The following CACNA1B variants were observed in gnomAD, a reference collection of about 807,000 sequenced individuals.
CACNA1B encodes the protein calcium voltage-gated channel subunit alpha1 B.
CACNA1B carries 70 observed loss-of-function variants against 247.2 expected under a neutral mutation model. The observed-to-expected ratio is 0.28, with a 90% CI of 0.23 to 0.35. CACNA1B has a LOEUF of 0.35. Ranked by LOEUF, CACNA1B falls within the 10% of genes least tolerant of loss-of-function variation. The pLI is 1.00. For synonymous variants in CACNA1B, 1,231 were observed against 1,294.4 expected (o/e 0.95, Z 1.05); for missense variants, 2,367 against 3,197.4 (o/e 0.74, Z 6.26).
At chr9:138,118,519 C>T in intron 43 of CACNA1B, 133 bp from the exon 44 acceptor site, 1 of 587,274 alleles carries the variant, frequency 1.7e-6, no homozygotes, top group Non-Finnish European at 3.1e-6. Flanking sequence ...GACGTGTGAA[C>T]AGCAGTGGGA....
rs200175422 is a variant in CACNA1B, at chr9:137,984,263, C to T, written c.1769+13C>T. The T allele has an allele frequency of 1.9e-4, 288 of 1,542,546 alleles. No individual in the cohort carries two copies. The highest frequency in any genetic ancestry group is 2.2e-4 in the Non-Finnish European group (255 of 1,135,144). On this transcript the variant is annotated intron_variant, in intron 13 of 46. Coordinates refer to ENST00000371372, the MANE Select transcript of CACNA1B (RefSeq NM_000718.4). ...TCAAAGTCACGAAGTACGTCCCCTGCGCTCCCAGGCGAGGGCAGGTGTAGG... is the reference window on the plus strand; with the variant it reads ...TCAAAGTCACGAAGTACGTCCCCTGTGCTCCCAGGCGAGGGCAGGTGTAGG...
chr9:137,974,380 C>G lies in CACNA1B; in HGVS notation c.1544-1527C>G, dbSNP rs767929346. On this transcript the variant is annotated intron_variant, in intron 11 of 46. Transcript: ENST00000371372. This position sits in a 1 kb window ranked among gnomAD's most constrained non-coding sequence, Gnocchi z 4.5. ...ATCATCCCATGCTTAGCTTGAGTGC[C>G]TGGTGATTTTCTGGCTGGTGTCAGA... Among the ~76,000 whole-genome samples the G allele has an allele frequency of 4.5e-4, 69 of 152,190 alleles. No homozygotes were observed. The highest frequency in any genetic ancestry group is 6.5e-4 in the Admixed American group (10 of 15,284).
At chr9:138,017,406 G>T (rs778743080) in intron 18 of CACNA1B, among the ~76,000 whole-genome samples, 2 of 152,226 alleles carry the variant, frequency 1.3e-5, no homozygotes, top group Non-Finnish European at 2.9e-5. Flanking sequence ...GACCCTCTGC[G>T]CTCAGCGCCT....
At chr9:138,016,747 C>T (rs10780198) in intron 18 of CACNA1B, among the ~76,000 whole-genome samples, 4 of 151,474 alleles carry the variant, frequency 2.6e-5, no homozygotes, top group African/African-American at 9.7e-5. Flanking sequence ...GCCGGGAGAC[C>T]GTGCAGTCAG....
chr9:138,107,313 C>T (rs1390509067), intron 39 of CACNA1B, among the ~76,000 whole-genome samples: 1 of 151,312 alleles, frequency 6.6e-6, no homozygotes, highest in African/African-American at 2.4e-5. Context: ...GTGGTGCAGT[C>T]ACGGCTCACT....
Position 138,058,085 on chromosome 9 carries a change from G to T in CACNA1B, c.4143G>T (p.Glu1381Asp), listed in dbSNP as rs1451405927. 7 of 1,613,998 alleles carry T rather than the reference G, an allele frequency of 4.3e-6. No individual in the cohort carries two copies. Among genetic ancestry groups the T allele is most frequent in the Middle Eastern group, 1.6e-4 (1 of 6,062 alleles). Residue 1381 changes from glutamate to aspartate, a missense_variant, in exon 28 of 47, where the codon GAG (glutamate) becomes GAT (aspartate). Physicochemically the swap from Glu to Asp is conservative, Grantham distance 45 (BLOSUM62 2). Transcript: ENST00000371372. The surrounding 1 kb of genome is among the most constrained non-coding windows in gnomAD (Gnocchi z 4.7). ...ACTCCGTGGATGCCACCTATGAGGA[G>T]CAGGGTCCAAGCCCTGGGTACCGCA... is the stretch of plus-strand genomic sequence containing the variant. ...LKHSVDATYEEQGPSPGYRME... is the reference protein window; with the variant it reads ...LKHSVDATYEDQGPSPGYRME...
intron 12 of CACNA1B, among the ~76,000 whole-genome samples, chr9:137,977,654 C>T (rs1793515956): frequency 6.6e-6 from 1 of 152,154 alleles, no homozygotes; most frequent in South Asian, 2.1e-4. Flanking sequence ...TCGGCACCTG[C>T]CCAGAGGCTG....
In CACNA1B at chr9:138,122,156, CT is replaced by C; in HGVS notation, c.*158del. ...CCTCCCCCTCCTCCCCTCTTTTACT[CT>C]AGACGACGAATAAAGCCCTGTTAGA... is the stretch of plus-strand genomic sequence containing the variant. On this transcript the variant is annotated 3_prime_UTR_variant, in exon 47 of 47. Transcript: ENST00000371372. The C allele has an allele frequency of 1.6e-6, 1 of 637,634 alleles. No individual in the cohort carries two copies. Among genetic ancestry groups the C allele is most frequent in the East Asian group, 2.7e-5 (1 of 36,492 alleles). 39.5% of individuals were successfully genotyped at this position (637,634 alleles called of 1,614,324 possible).
At chr9:137,970,915 G>C (rs938470564) in intron 10 of CACNA1B, among the ~76,000 whole-genome samples, 1 of 152,210 alleles carries the variant, frequency 6.6e-6, no homozygotes, top group Admixed American at 6.5e-5. Context: ...AAACTGCTTA[G>C]AAAACAGGCA....
At chr9:138,040,593 C>A in intron 20 of CACNA1B, 1 of 436,832 alleles carries the variant, frequency 2.3e-6, no homozygotes. Context: ...GAGAGCCAGC[C>A]CGAGTCTCAA....
At position 138,058,291 on chromosome 9, in the gene CACNA1B, G is replaced by T. The variant is rs200760662; in HGVS notation, c.4308+41G>T. On this transcript the variant is annotated intron_variant, in intron 28 of 46. Transcript: ENST00000371372. This position sits in a 1 kb window ranked among gnomAD's most constrained non-coding sequence, Gnocchi z 4.7. Reference sequence around the variant, plus strand: ...GTGGAGTCTTGCAGTGGACAGCGTGGGCAGCGCCATCAGGCTTCCCTCCTG... The same window carrying T: ...GTGGAGTCTTGCAGTGGACAGCGTGTGCAGCGCCATCAGGCTTCCCTCCTG... 8 of 1,506,914 alleles carry T rather than the reference G, an allele frequency of 5.3e-6. No homozygotes were observed. The highest frequency in any genetic ancestry group is 7.4e-6 in the Non-Finnish European group (8 of 1,085,236). The allele number at this position is 1,506,914 out of a possible 1,614,324, so 93.3% of individuals were successfully genotyped here.
At chr9:138,071,969 C>T (rs1347484349) in intron 32 of CACNA1B, among the ~76,000 whole-genome samples, 1 of 152,070 alleles carries the variant, frequency 6.6e-6, no homozygotes, top group East Asian at 1.9e-4. Flanking sequence ...CCCCTGCACC[C>T]ATGTTTCTAA....
At chr9:138,089,943 T>C (rs1960822814) in intron 36 of CACNA1B, among the ~76,000 whole-genome samples, 1 of 152,168 alleles carries the variant, frequency 6.6e-6, no homozygotes, top group East Asian at 1.9e-4. Context: ...TGAAAGATAC[T>C]GAAGAGGACA....
chr9:138,075,762 C>T lies in CACNA1B; in HGVS notation c.4858-57C>T, dbSNP rs560816912. 7.7e-6 allele frequency: 9 copies of T among 1,164,616 alleles called. No individual in the cohort carries two copies. The East Asian group carries it at 2.0e-4, about 26-fold the overall frequency. The allele number at this position is 1,164,616 out of a possible 1,614,324, so 72.1% of individuals were successfully genotyped here. A position where few individuals can be genotyped will look rare whatever the true frequency, so the allele number is the denominator to read the frequency against. ...GCACGCCCTCTCTGGCTCGGTCCAC[C>T]TGGCGCGGCTCCTGCAGACCCAGCA... On this transcript the variant is annotated intron_variant, in intron 34 of 46. Coordinates refer to ENST00000371372, the MANE Select transcript of CACNA1B (RefSeq NM_000718.4).
At chr9:138,013,281 C>T in intron 18 of CACNA1B, 46 bp downstream of exon 18, 2 of 1,436,058 alleles carry the variant, frequency 1.4e-6, no homozygotes, top group Non-Finnish European at 9.5e-7. Context: ...GGGGCTGCTG[C>T]AGGGTCCCAT....
At chr9:138,095,946 G>A (rs994300702) in intron 36 of CACNA1B, among the ~76,000 whole-genome samples, 2 of 151,478 alleles carry the variant, frequency 1.3e-5, no homozygotes, top group Non-Finnish European at 1.5e-5. Flanking sequence ...GGGGGTTGGG[G>A]GGGCGGGGAT....
At chr9:138,044,292 G>A (rs1022858304) in intron 21 of CACNA1B, among the ~76,000 whole-genome samples, 3 of 152,340 alleles carry the variant, frequency 2.0e-5, no homozygotes, top group South Asian at 2.1e-4. Context: ...GTGTGTCCAC[G>A]CCTGTGCTTT....
intron 42 of CACNA1B, among the ~76,000 whole-genome samples, chr9:138,116,224 A>G (rs1354511019): frequency 6.6e-6 from 1 of 151,446 alleles, no homozygotes; most frequent in African/African-American, 2.4e-5. Context: ...CTAACCCCGT[A>G]AGGCACTTTT....
rs1959600398 is a variant in CACNA1B at position 138,058,595 on chromosome 9, C to T, written c.4335C>T (p.Ser1445=). The T allele has an allele frequency of 3.1e-6, 5 of 1,612,810 alleles. No homozygotes were observed. The highest frequency in any genetic ancestry group is 2.2e-5 in the South Asian group (2 of 90,854). The change falls in exon 29 of 47, where the codon AGC becomes AGT. Residue 1445 remains serine (S), a synonymous_variant. Coordinates refer to ENST00000371372, the MANE Select transcript of CACNA1B (RefSeq NM_000718.4). This position sits in a 1 kb window ranked among gnomAD's most constrained non-coding sequence, Gnocchi z 4.7. Reference sequence around the variant, plus strand: ...GGGCTTGCATTGACTTCGCCATCAGCGCCAAACCCCTGACACGGTACATGC... The same window carrying T: ...GGGCTTGCATTGACTTCGCCATCAGTGCCAAACCCCTGACACGGTACATGC... The part of the protein sequence containing the change: ...NERACIDFAI[S]AKPLTRYMPQ...
Sources: gnomAD v4.1 joint callset for allele counts (sites outside exome capture counted in the v4.1 genomes callset) on GRCh38, gnomAD v4.1.1 for gene constraint, Gnocchi (gnomAD v3.1) non-coding constraint, MANE v1.5 for transcripts, NCBI Gene and HGNC (gene_info 2026-07-23, HGNC 2026-07-21) for gene names.